Variants in DNAI3 observed in about 807,000 individuals in gnomAD.
The protein encoded by DNAI3 is WD repeat domain 63.
DNAI3 carries 83 observed loss-of-function variants against 115.5 expected under a neutral mutation model. The observed-to-expected ratio is 0.72, with a 90% CI of 0.60 to 0.86. DNAI3 has a LOEUF of 0.86. Ranked by LOEUF, DNAI3 falls within the 40% of genes least tolerant of loss-of-function variation. The probability of loss-of-function intolerance (pLI) is 0.00; values close to 1 mark genes in which losing one functional copy is unlikely to be tolerated. For synonymous variants in DNAI3, 320 were observed against 347.0 expected (o/e 0.92, Z 0.86); for missense variants, 1,004 against 1,075.8 (o/e 0.93, Z 0.93).
intron 20 of DNAI3, among the ~76,000 whole-genome samples, chr1:85,127,892 G>A (rs1656195416): frequency 6.6e-6 from 1 of 151,892 alleles, no homozygotes; most frequent in Admixed American, 6.6e-5. Flanking sequence ...AGTGAGGTGG[G>A]GAGATCACTT....
Position 85,130,149 on chromosome 1 carries a change from G to A in DNAI3, c.2532+37G>A, listed in dbSNP as rs7549898. On this transcript the variant is annotated intron_variant, in intron 22 of 22. Coordinates refer to ENST00000294664, the MANE Select transcript of DNAI3 (RefSeq NM_145172.5). Reference sequence around the variant, plus strand: ...TTCAGAAATGAAAGATGTTTTCCTCGAACACCAGTGGAAATATATTTGTTT... The same window carrying A: ...TTCAGAAATGAAAGATGTTTTCCTCAAACACCAGTGGAAATATATTTGTTT... 4,706 of 1,610,912 alleles carry A rather than the reference G, an allele frequency of 2.9e-3. 109 individuals carry two copies. The African/African-American group carries it at 0.055, about 19-fold the overall frequency.
At chr1:85,094,762 T>C (rs902906783) in intron 10 of DNAI3, among the ~76,000 whole-genome samples, 1 of 152,244 alleles carries the variant, frequency 6.6e-6, no homozygotes, top group Non-Finnish European at 1.5e-5. Context: ...ATCAACATGC[T>C]ATTTTTTTCA....
At position 85,124,255 on chromosome 1, in the gene DNAI3, AG is replaced by A. The variant is rs1656068824; in HGVS notation, c.2112+5del. On this transcript the variant is annotated splice_donor_5th_base_variant and intron_variant, in intron 19 of 22. Coordinates refer to ENST00000294664, the MANE Select transcript of DNAI3 (RefSeq NM_145172.5). ...CATATGGAAAGAAGGTGTTATGGTA[AG>A]TTGCCTGCAAAATGGAAGCATGAGT... is the stretch of plus-strand genomic sequence containing the variant. 1.3e-6 allele frequency: 2 copies of A among 1,542,996 alleles called. No homozygotes were observed. The highest frequency in any genetic ancestry group is 1.7e-6 in the Non-Finnish European group (2 of 1,145,498).
chr1:85,131,545 T>C (rs1338964711), intron 22 of DNAI3, among the ~76,000 whole-genome samples: 2 of 152,048 alleles, frequency 1.3e-5, no homozygotes, highest in Non-Finnish European at 2.9e-5. Context: ...AAATACTAAT[T>C]AGTGCAATAA....
Position 85,097,555 on chromosome 1 carries a change from T to C in DNAI3, c.1264-14T>C, listed in dbSNP as rs768009783. 8 of 1,593,982 alleles carry C rather than the reference T, an allele frequency of 5.0e-6. No homozygotes were observed. The highest frequency in any genetic ancestry group is 6.8e-6 in the Non-Finnish European group (8 of 1,173,146). On this transcript the variant is annotated splice_polypyrimidine_tract_variant and intron_variant, in intron 11 of 22. Coordinates refer to ENST00000294664, the MANE Select transcript of DNAI3 (RefSeq NM_145172.5). ...TTTCTGAAAAGGTTATGATAACATTTATTTCCATTTTAGATTGTCATGTGG... is the reference window on the plus strand; with the variant it reads ...TTTCTGAAAAGGTTATGATAACATTCATTTCCATTTTAGATTGTCATGTGG...
intron 3 of DNAI3, among the ~76,000 whole-genome samples, chr1:85,079,526 T>C (rs1176643454): frequency 6.6e-6 from 1 of 151,986 alleles, no homozygotes; most frequent in African/African-American, 2.4e-5. Flanking sequence ...ATTGAGAAGT[T>C]GGAGGGAGGA....
chr1:85,086,677 C>G (rs562726621), intron 7 of DNAI3, among the ~76,000 whole-genome samples: 1 of 152,070 alleles, frequency 6.6e-6, no homozygotes, highest in Non-Finnish European at 1.5e-5. Flanking sequence ...GACCAAAAGC[C>G]TTGGATTTTG....
rs57553075 is a variant in DNAI3 at position 85,066,314 on chromosome 1, C to CTTTTT, written c.-15+3850_-15+3854dup. Among the ~76,000 whole-genome samples the CTTTTT allele has an allele frequency of 1.3e-3, 90 of 70,018 alleles. 24 individuals carry two copies. Among genetic ancestry groups the CTTTTT allele is most frequent in the South Asian group, 3.0e-3 (5 of 1,660 alleles). The allele number at this position is 70,018 out of a possible 152,430, so 45.9% of individuals were successfully genotyped here. A position where few individuals can be genotyped will look rare whatever the true frequency, so the allele number is the denominator to read the frequency against. ...TAGACGAATTATCTCTTCTGCTACT[C>CTTTTT]TTTTTTTTTTTTTTTTTTTTTTTTT... On this transcript the variant is annotated intron_variant, in intron 1 of 22. Transcript: ENST00000294664.
chr1:85,132,822 T>C (rs1306170906), intron 22 of DNAI3, 33 bp from the exon 23 acceptor site: 2 of 1,563,048 alleles, frequency 1.3e-6, no homozygotes, highest in Middle Eastern at 1.7e-4. Flanking sequence ...ATCAGTGTTT[T>C]ATAGGGATGT....
chr1:85,094,080 A>G (rs1412722859), intron 9 of DNAI3: 2 of 400,616 alleles, frequency 5.0e-6, no homozygotes, highest in South Asian at 2.1e-5. Flanking sequence ...AAAGATGGAA[A>G]CATGGAAAGA....
chr1:85,076,234 G>A (rs1654451238), intron 3 of DNAI3, among the ~76,000 whole-genome samples: 1 of 151,886 alleles, frequency 6.6e-6, no homozygotes, highest in East Asian at 1.9e-4. Context: ...ATCTTATAAG[G>A]CCCCTTGGGA....
intron 1 of DNAI3, among the ~76,000 whole-genome samples, chr1:85,070,215 C>T (rs1044194453): frequency 4.6e-5 from 7 of 151,792 alleles, no homozygotes; most frequent in East Asian, 1.9e-4. Flanking sequence ...GAGCTGAGAC[C>T]GCGCCACTGC....
chr1:85,083,536 A>G (rs1186187276), intron 5 of DNAI3, among the ~76,000 whole-genome samples: 1 of 152,032 alleles, frequency 6.6e-6, no homozygotes, highest in Non-Finnish European at 1.5e-5. Flanking sequence ...ATTAAAAATC[A>G]TCTTTCATTT....
intron 3 of DNAI3, among the ~76,000 whole-genome samples, chr1:85,073,444 G>A (rs17120570): frequency 0.061 from 9,338 of 152,090 alleles, 412 homozygotes; most frequent in East Asian, 0.19. Context: ...TGTACTTCAC[G>A]CTAAGATGCC....
At position 85,128,782 on chromosome 1, in the gene DNAI3, C is replaced by T. The variant is rs1184017778; in HGVS notation, c.2392C>T (p.Arg798Cys). ...ATTAGAAATTCCTTGGACATTAAGT[C>T]GCCCTTCCACCAATGAGGTTAGTAA... ...HILEIPWTLS[R>C]PSTNEMASVN... The change falls in exon 21 of 23, where the codon CGC (arginine) becomes TGC (cysteine). Residue 798 changes from arginine (R) to cysteine (C), a missense_variant. By Grantham distance (180) the Arg-to-Cys change is radical. This residue lies in a region of DNAI3 where 429 missense variants were observed against 454.3 expected (regional missense o/e 0.94). Transcript: ENST00000294664. 5.6e-6 allele frequency: 9 copies of T among 1,613,122 alleles called. No homozygotes were observed. Among genetic ancestry groups the T allele is most frequent in the Middle Eastern group, 1.7e-4 (1 of 6,014 alleles).
Position 85,073,003 on chromosome 1 carries a change from G to A in DNAI3, c.65-51G>A, listed in dbSNP as rs760068163. On this transcript the variant is annotated intron_variant, in intron 2 of 22. Coordinates refer to ENST00000294664, the MANE Select transcript of DNAI3 (RefSeq NM_145172.5). ...GAAATAAAAGATTATAATAAATTGA[G>A]ATGTATTTGATTCAAAAATGTAAAT... The A allele has an allele frequency of 1.6e-5, 15 of 949,950 alleles. No homozygotes were observed. In the South Asian group the frequency reaches 2.4e-4, roughly 15 times the overall value. The allele number at this position is 949,950 out of a possible 1,614,324, so 58.8% of individuals were successfully genotyped here.
intron 3 of DNAI3, among the ~76,000 whole-genome samples, chr1:85,077,484 A>AT (rs1264906212): frequency 6.6e-6 from 1 of 152,158 alleles, no homozygotes; most frequent in African/African-American, 2.4e-5. Flanking sequence ...AATCTTAAAG[A>AT]TTTTTTTCTT....
At chr1:85,127,610 C>T (rs1656187423) in intron 20 of DNAI3, among the ~76,000 whole-genome samples, 2 of 152,292 alleles carry the variant, frequency 1.3e-5, no homozygotes, top group South Asian at 2.1e-4. Flanking sequence ...CTATCCATTT[C>T]TCAGAAACAT....
Position 85,130,005 on chromosome 1 carries a change from C to T in DNAI3, c.2425C>T (p.His809Tyr), listed in dbSNP as rs190384593. Residue 809 changes from histidine to tyrosine, a missense_variant, in exon 22 of 23, where the codon CAC becomes TAC. By Grantham distance (83) the His-to-Tyr change is moderately conservative (BLOSUM62 2). Coordinates refer to ENST00000294664, the MANE Select transcript of DNAI3 (RefSeq NM_145172.5). ...TTTCTAACAGATGGCAAGTGTCAACCACTATTTTGAAAGAGAAGTCAAGCA... is the reference window on the plus strand; with the variant it reads ...TTTCTAACAGATGGCAAGTGTCAACTACTATTTTGAAAGAGAAGTCAAGCA... ...PSTNEMASVN[H>Y]YFEREVKHLE... 1.2e-5 allele frequency: 19 copies of T among 1,612,546 alleles called. No homozygotes were observed. The East Asian group carries it at 3.8e-4, about 32-fold the overall frequency.
Sources: gnomAD v4.1 joint callset for allele counts (sites outside exome capture counted in the v4.1 genomes callset) on GRCh38, gnomAD v4.1.1 for gene constraint, gnomAD v4.1.1 regional missense constraint, MANE v1.5 for transcripts, NCBI Gene and HGNC (gene_info 2026-07-23, HGNC 2026-07-21) for gene names.